Variants in ANKRD13C observed in about 807,000 individuals in gnomAD.
ANKRD13C encodes the protein ankyrin repeat domain 13C.
A neutral mutation model predicts 65.5 loss-of-function variants in ANKRD13C; 16 were observed. That is an observed-to-expected ratio of 0.24 (90% CI 0.17 to 0.37). ANKRD13C has a LOEUF of 0.37. Ranked by LOEUF, ANKRD13C falls within the 10% of genes least tolerant of loss-of-function variation. ANKRD13C has a pLI of 1.00. For synonymous variants in ANKRD13C, 235 were observed against 238.7 expected (o/e 0.98, Z 0.14); for missense variants, 503 against 655.9 (o/e 0.77, Z 2.55).
At chr1:70,338,007 G>A (rs1682125145) in intron 1 of ANKRD13C, among the ~76,000 whole-genome samples, 1 of 152,108 alleles carries the variant, frequency 6.6e-6, no homozygotes, top group African/African-American at 2.4e-5. Flanking sequence ...GCTGAGGCAG[G>A]AGAATCGCTT....
In ANKRD13C at chr1:70,326,989, GA is replaced by G. The variant is rs1424750443; in HGVS notation, c.473-2033del. The stretch of plus-strand genomic sequence containing the variant: ...AAATGTAGAAGAAATGATAAAATTA[GA>G]AAATTTAACATAATACCCCAGTAAT... On this transcript the variant is annotated intron_variant, in intron 2 of 12. Transcript: ENST00000370944. Among the ~76,000 whole-genome samples the G allele has an allele frequency of 8.2e-5, 11 of 134,538 alleles. No individual in the cohort carries two copies. In the Admixed American group the frequency reaches 8.3e-4, roughly 10 times the overall value. 88.3% of individuals were successfully genotyped at this position (134,538 alleles called of 152,430 possible).
chr1:70,308,998 A>G (rs1680717471), intron 5 of ANKRD13C, among the ~76,000 whole-genome samples: 1 of 151,846 alleles, frequency 6.6e-6, no homozygotes, highest in South Asian at 2.1e-4. Context: ...GAGTTTTTAA[A>G]TTTAAATTTT....
intron 1 of ANKRD13C, among the ~76,000 whole-genome samples, chr1:70,338,647 G>A (rs1205071132): frequency 2.6e-5 from 4 of 152,076 alleles, no homozygotes; most frequent in Non-Finnish European, 5.9e-5. Flanking sequence ...TGATCCGCCC[G>A]CCTTGGCCTC....
At chr1:70,278,152 G>A (rs1405193783) in intron 9 of ANKRD13C, among the ~76,000 whole-genome samples, 1 of 150,256 alleles carries the variant, frequency 6.7e-6, no homozygotes, top group Admixed American at 6.7e-5. Flanking sequence ...TTATGCCACT[G>A]CACTCCAGCC....
rs1178800468 is a variant in ANKRD13C, at chr1:70,347,801, G to C, written c.430+6178C>G. Among the ~76,000 whole-genome samples, 3 of 152,090 alleles carry C rather than the reference G, an allele frequency of 2.0e-5. No homozygotes were observed. In the South Asian group the frequency reaches 6.2e-4, roughly 32 times the overall value. On this transcript the variant is annotated intron_variant, in intron 1 of 12. Transcript: ENST00000370944. ...AATGAAGATCAACTAAATCAACCCT[G>C]ATCAATGGAGTAACATTTCACCACC...
chr1:70,284,874 C>T (rs58173595), intron 9 of ANKRD13C, among the ~76,000 whole-genome samples: 15,158 of 152,022 alleles, frequency 0.1, 2,493 homozygotes, highest in African/African-American at 0.34. Context: ...ATTCAGTTTT[C>T]ATTCCTGTTG....
chr1:70,341,361 GTGT>G (rs964305251), intron 1 of ANKRD13C, among the ~76,000 whole-genome samples: 1 of 128,684 alleles, frequency 7.8e-6, no homozygotes, highest in East Asian at 2.4e-4. Context: ...ATCTTTTTGT[GTGT>G]TTTTTTTTTT....
At chr1:70,303,504 T>C (rs1352257022) in intron 6 of ANKRD13C, among the ~76,000 whole-genome samples, 1 of 152,176 alleles carries the variant, frequency 6.6e-6, no homozygotes, top group East Asian at 1.9e-4. Flanking sequence ...AGTGTACAAA[T>C]ATACTTTCAA....
intron 1 of ANKRD13C, among the ~76,000 whole-genome samples, chr1:70,351,715 T>G (rs532158963): frequency 6.6e-6 from 1 of 152,176 alleles, no homozygotes; most frequent in Non-Finnish European, 1.5e-5. Flanking sequence ...TGCTGTTGTT[T>G]AAGTGATTTT....
At chr1:70,270,156 T>C (rs1331939848) in intron 12 of ANKRD13C, among the ~76,000 whole-genome samples, 1 of 152,220 alleles carries the variant, frequency 6.6e-6, no homozygotes, top group Non-Finnish European at 1.5e-5. Flanking sequence ...CAACAGTAAC[T>C]GCTTACTCCA....
intron 1 of ANKRD13C, among the ~76,000 whole-genome samples, chr1:70,340,894 C>T (rs189597978): frequency 1.2e-4 from 19 of 152,226 alleles, no homozygotes; most frequent in Non-Finnish European, 2.2e-4. Context: ...AGATGGATCA[C>T]GAGCTCAGGA....
intron 10 of ANKRD13C, 67 bp downstream of exon 10, chr1:70,276,698 C>T (rs988275793): frequency 8.2e-7 from 1 of 1,222,480 alleles, no homozygotes; most frequent in South Asian, 1.3e-5. Flanking sequence ...AAAATATTCA[C>T]ATATTCAGTT....
At chr1:70,340,491 C>CA (rs971088489) in intron 1 of ANKRD13C, among the ~76,000 whole-genome samples, 13 of 150,710 alleles carry the variant, frequency 8.6e-5, no homozygotes, top group South Asian at 4.2e-4. Context: ...TATATCCTTG[C>CA]AAAAAAAAAC....
rs143317778 is a variant in ANKRD13C at position 70,273,252 on chromosome 1, G to A, written c.1394+1468C>T. ...ATATATGCACCCTGCTCTCTTCTCC[G>A]ATCATTTTTAAAAAATGTATTAGGC... On this transcript the variant is annotated intron_variant, in intron 11 of 12. Transcript: ENST00000370944. 3.6e-3 allele frequency among the ~76,000 whole-genome samples: 547 copies of A among 152,068 alleles called. 3 individuals are homozygous for A. The highest frequency in any genetic ancestry group is 0.012 in the African/African-American group (509 of 41,454).
chr1:70,300,726 A>C (rs1165783108), intron 7 of ANKRD13C, 38 bp downstream of exon 7: 1 of 1,491,900 alleles, frequency 6.7e-7, no homozygotes, highest in African/African-American at 1.4e-5. Context: ...CTTTTTTTTT[A>C]ATGATTTAAA....
At chr1:70,266,857 T>A (rs944080675) in intron 12 of ANKRD13C, among the ~76,000 whole-genome samples, 4 of 152,236 alleles carry the variant, frequency 2.6e-5, no homozygotes, top group Admixed American at 2.6e-4. Flanking sequence ...ATAGCCAATA[T>A]GGTCTACCTT....
intron 11 of ANKRD13C, among the ~76,000 whole-genome samples, chr1:70,273,616 G>C (rs748236891): frequency 4.0e-5 from 6 of 151,280 alleles, no homozygotes; most frequent in Non-Finnish European, 7.4e-5. Flanking sequence ...CAAGGAAAAA[G>C]AATAGACGAA....
rs116372318 is a variant in ANKRD13C, at chr1:70,262,442, A to G, written c.*275T>C. ...TTTTTAAAAACAAATCACAGCACTC[A>G]TAGCTGCTTCACATACGCAGGTCTT... On this transcript the variant is annotated 3_prime_UTR_variant, in exon 13 of 13. Coordinates refer to ENST00000370944, the MANE Select transcript of ANKRD13C (RefSeq NM_030816.5). 7.2e-3 allele frequency: 1,399 copies of G among 194,546 alleles called. 22 individuals carry two copies. The highest frequency in any genetic ancestry group is 0.03 in the African/African-American group (1,308 of 43,048). The allele number at this position is 194,546 out of a possible 1,614,324, so 12.1% of individuals were successfully genotyped here. A position where few individuals can be genotyped will look rare whatever the true frequency, so the allele number is the denominator to read the frequency against.
chr1:70,334,718 G>GGTCGGGA (rs1681943979), intron 2 of ANKRD13C, among the ~76,000 whole-genome samples: 1 of 151,570 alleles, frequency 6.6e-6, no homozygotes, highest in Non-Finnish European at 1.5e-5. Flanking sequence ...TGAGGTCGGG[G>GGTCGGGA]GTTCGAGATC....
Sources: allele counts gnomAD v4.1 joint callset (sites outside exome capture counted in the v4.1 genomes callset), GRCh38; gene constraint gnomAD v4.1.1; transcripts MANE v1.5; gene names NCBI Gene and HGNC (gene_info 2026-07-23, HGNC 2026-07-21).